The following AGBL1 variants were observed in gnomAD, a reference collection of about 807,000 sequenced individuals.
AGBL1 encodes the protein AGBL carboxypeptidase 1.
AGBL1 carries 130 observed loss-of-function variants against 118.9 expected under a neutral mutation model. The observed-to-expected ratio is 1.09, with a 90% confidence interval of 0.95 to 1.26. AGBL1 has a LOEUF of 1.26. AGBL1 is among the 50% of genes most tolerant of loss of function. The pLI is 0.00. For synonymous variants in AGBL1, 555 were observed against 478.9 expected, an observed-to-expected ratio of 1.16 and a Z score of -2.08; for missense variants, 1,584 against 1,298.1, an observed-to-expected ratio of 1.22 and a Z score of -3.38.
chr15:86,704,938 A>G (rs1487891674), intron 22 of AGBL1, among the ~76,000 whole-genome samples: 1 of 150,624 alleles, frequency 6.6e-6, no homozygotes, highest in Non-Finnish European at 1.5e-5. Flanking sequence ...TACACCATGG[A>G]ATACTATGCA....
At chr15:86,309,262 A>G (rs1480730947) in intron 17 of AGBL1, among the ~76,000 whole-genome samples, 1 of 152,224 alleles carries the variant, frequency 6.6e-6, no homozygotes, top group Non-Finnish European at 1.5e-5. Flanking sequence ...TTAAATTTGC[A>G]TTCTGCAACT....
intron 23 of AGBL1, among the ~76,000 whole-genome samples, chr15:86,953,289 T>A (rs2080897807): frequency 1.3e-5 from 2 of 152,192 alleles, no homozygotes; most frequent in Admixed American, 1.3e-4. Context: ...ATTCTTCCTA[T>A]CCACAAGCAA....
intron 18 of AGBL1, among the ~76,000 whole-genome samples, chr15:86,474,324 A>T (rs542217644): frequency 1.3e-5 from 2 of 152,300 alleles, no homozygotes; most frequent in South Asian, 4.1e-4. Context: ...TCCCTTTCCT[A>T]GCTAAGTGAA....
chr15:86,677,359 T>C (rs571857576), intron 22 of AGBL1, among the ~76,000 whole-genome samples: 1 of 152,310 alleles, frequency 6.6e-6, no homozygotes, highest in East Asian at 1.9e-4. Context: ...TTCAGAAATG[T>C]CTGCATACTC....
rs568386690 is a variant in AGBL1 at position 86,829,538 on chromosome 15, G to A, written c.3159-77549G>A. Among the ~76,000 whole-genome samples, 4 of 152,226 alleles carry A rather than the reference G, an allele frequency of 2.6e-5. No individual in the cohort carries two copies. The South Asian group carries it at 8.3e-4, about 32-fold the overall frequency. ...AAGCAATATCAGGCCTTCTATGGAA[G>A]AGAACCACTTGCCATTTGAAAAAAA... On this transcript the variant is annotated intron_variant, in intron 22 of 22. Coordinates refer to ENST00000614907, the MANE Select transcript of AGBL1 (RefSeq NM_001386094.1).
chr15:86,213,457 C>T (rs1017462171), intron 5 of AGBL1, among the ~76,000 whole-genome samples: 22 of 152,260 alleles, frequency 1.4e-4, no homozygotes, highest in Admixed American at 7.8e-4. Context: ...TTTCTCAGGT[C>T]CCACCCTAGA....
chr15:86,599,937 C>G (rs1041731372), intron 21 of AGBL1, among the ~76,000 whole-genome samples: 1 of 152,022 alleles, frequency 6.6e-6, no homozygotes, highest in African/African-American at 2.4e-5. Flanking sequence ...ATAAAAACCC[C>G]CATATTGAAA....
In AGBL1 at chr15:86,897,764, C is replaced by CTTTT. The variant is rs71460231; in HGVS notation, c.3159-9303_3159-9300dup. On this transcript the variant is annotated intron_variant, in intron 22 of 22. Coordinates refer to ENST00000614907, the MANE Select transcript of AGBL1 (RefSeq NM_001386094.1). The stretch of plus-strand genomic sequence containing the variant: ...ATAATTTACTCCTTTCATCTTTTAT[C>CTTTT]TTTTTTTTTTTTTTTTTTTTTTTGA... 3.7e-3 allele frequency among the ~76,000 whole-genome samples: 297 copies of CTTTT among 80,648 alleles called. 8 individuals carry two copies. Among genetic ancestry groups the CTTTT allele is most frequent in the African/African-American group, 7.8e-3 (156 of 19,974 alleles). 52.9% of individuals were successfully genotyped at this position (80,648 alleles called of 152,430 possible).
intron 17 of AGBL1, among the ~76,000 whole-genome samples, chr15:86,321,041 A>G (rs1298320376): frequency 6.6e-6 from 1 of 152,188 alleles, no homozygotes; most frequent in African/African-American, 2.4e-5. Flanking sequence ...CAAGGTGGTG[A>G]GAGGCTTGTA....
chr15:86,602,220 A>C lies in AGBL1; in HGVS notation c.2994+47683A>C, dbSNP rs113695148. Among the ~76,000 whole-genome samples the C allele has an allele frequency of 5.7e-4, 87 of 152,322 alleles. 2 individuals carry two copies. The highest frequency in any genetic ancestry group is 2.0e-3 in the African/African-American group (84 of 41,580). On this transcript the variant is annotated intron_variant, in intron 21 of 22. Coordinates refer to ENST00000614907, the MANE Select transcript of AGBL1 (RefSeq NM_001386094.1). ...CAATGAGTCTGAGTTTTAGATTCTTAATTCATCACATGTTGTATGGTGGGA... is the reference window on the plus strand; with the variant it reads ...CAATGAGTCTGAGTTTTAGATTCTTCATTCATCACATGTTGTATGGTGGGA...
chr15:86,984,660 G>A lies in AGBL1; in HGVS notation c.3222-3327G>A, dbSNP rs190791193. On this transcript the variant is annotated intron_variant, in intron 23 of 24. Coordinates refer to the AGBL1 transcript ENST00000441037. ...GTTACAGGCGTGAGCCACCACGCCCGGCCTGTTTTCTTTTTATGATTGAGT... is the reference window on the plus strand; with the variant it reads ...GTTACAGGCGTGAGCCACCACGCCCAGCCTGTTTTCTTTTTATGATTGAGT... Among the ~76,000 whole-genome samples the A allele has an allele frequency of 1.8e-3, 277 of 152,134 alleles. 1 individual carries two copies. The highest frequency in any genetic ancestry group is 1.8e-3 in the Non-Finnish European group (123 of 67,984).
At position 86,442,604 on chromosome 15, in the gene AGBL1, AT is replaced by A. The variant is rs567199150; in HGVS notation, c.2555+45060del. ...TTTCTCTTCCTTCATTCAATCCACC[AT>A]TGTGGCTCAAGGAAATGGCTGGAAT... On this transcript the variant is annotated intron_variant, in intron 18 of 22. Transcript: ENST00000614907. Among the ~76,000 whole-genome samples the A allele has an allele frequency of 3.9e-5, 6 of 152,304 alleles. No homozygotes were observed. The South Asian group carries it at 1.2e-3, about 32-fold the overall frequency.
Position 86,418,241 on chromosome 15 carries a change from G to C in AGBL1, c.2555+20695G>C, listed in dbSNP as rs181710708. 5.9e-5 allele frequency among the ~76,000 whole-genome samples: 9 copies of C among 152,292 alleles called. No individual in the cohort carries two copies. In the East Asian group the frequency reaches 1.7e-3, roughly 29 times the overall value. On this transcript the variant is annotated intron_variant, in intron 18 of 22. Coordinates refer to ENST00000614907, the MANE Select transcript of AGBL1 (RefSeq NM_001386094.1). ...TGTACTAGAAGACATATCACCAAAG[G>C]CACAGGTCCATTTAGTTATGATCAT...
chr15:86,793,095 C>CT (rs2078519264), intron 22 of AGBL1, among the ~76,000 whole-genome samples: 1 of 152,086 alleles, frequency 6.6e-6, no homozygotes, highest in African/African-American at 2.4e-5. Flanking sequence ...ATTTCCCATT[C>CT]TTTTTAAAAA....
intron 17 of AGBL1, among the ~76,000 whole-genome samples, chr15:86,328,513 A>C (rs1399827999): frequency 6.6e-6 from 1 of 152,198 alleles, no homozygotes; most frequent in East Asian, 1.9e-4. Context: ...AGCCACTTGG[A>C]AATAGAATGA....
intron 23 of AGBL1, among the ~76,000 whole-genome samples, chr15:86,958,731 GT>G (rs1296168424): frequency 6.6e-6 from 1 of 152,090 alleles, no homozygotes; most frequent in African/African-American, 2.4e-5. Flanking sequence ...CAAAGGGATA[GT>G]TCAGAAGATA....
chr15:86,771,310 A>G (rs1004824686), intron 22 of AGBL1, among the ~76,000 whole-genome samples: 1 of 152,046 alleles, frequency 6.6e-6, no homozygotes, highest in Non-Finnish European at 1.5e-5. Context: ...TGCAATACAG[A>G]TGTTATTCTA....
chr15:86,286,749 A>ATATATATATATATATATATATATATAT (rs60775713), intron 16 of AGBL1, among the ~76,000 whole-genome samples: 9 of 145,444 alleles, frequency 6.2e-5, no homozygotes, highest in South Asian at 2.1e-4. Context: ...ATATATATAT[A>ATATATATATATATATATATATATATAT]AAACTCCATC....
intron 21 of AGBL1, among the ~76,000 whole-genome samples, chr15:86,570,613 T>C (rs962012424): frequency 6.6e-6 from 1 of 152,214 alleles, no homozygotes; most frequent in Non-Finnish European, 1.5e-5. Flanking sequence ...AATGACATTC[T>C]AGGAGAAACC....
Sources: gnomAD v4.1 joint callset for allele counts (sites outside exome capture counted in the v4.1 genomes callset) on GRCh38, gnomAD v4.1.1 for gene constraint, MANE v1.5 for transcripts, NCBI Gene and HGNC (gene_info 2026-07-23, HGNC 2026-07-21) for gene names.